DLG2: variants seen among roughly 807,000 people sequenced by gnomAD.
DLG2 encodes the protein disks large homolog 2.
Under a neutral mutation model 132.5 loss-of-function variants are expected in DLG2, and 45 were observed. The observed-to-expected ratio is 0.34, with a 90% confidence interval of 0.27 to 0.44. DLG2 has a LOEUF of 0.44. DLG2 is among the 20% of genes least tolerant of loss of function. The probability of loss-of-function intolerance (pLI) is 1.00; values close to 1 mark genes in which losing one functional copy is unlikely to be tolerated. For synonymous variants in DLG2, 424 were observed against 419.6 expected (o/e 1.01, Z -0.13); for missense variants, 1,045 against 1,196.9 (o/e 0.87, Z 1.87).
chr11:83,746,509 T>C (rs1026453963), intron 18 of DLG2, among the ~76,000 whole-genome samples: 4 of 151,668 alleles, frequency 2.6e-5, no homozygotes, highest in Admixed American at 6.6e-5. Flanking sequence ...TTCTCACTTA[T>C]AGGTGGGAAT....
intron 6 of DLG2, 163 bp from the exon 7 acceptor site, chr11:84,534,894 C>T (rs2099351673): frequency 1.2e-6 from 1 of 823,328 alleles, no homozygotes; most frequent in Non-Finnish European, 2.1e-6. Flanking sequence ...TCACCATAGA[C>T]CAGGTCAAAT....
intron 3 of DLG2, among the ~76,000 whole-genome samples, chr11:85,587,568 A>G (rs1378230730): frequency 6.6e-6 from 1 of 152,058 alleles, no homozygotes; most frequent in East Asian, 1.9e-4. Context: ...TTTCCACCCC[A>G]TTACCTTAAG....
intron 7 of DLG2, among the ~76,000 whole-genome samples, chr11:84,280,451 T>C (rs527731315): frequency 6.6e-6 from 1 of 152,058 alleles, no homozygotes; most frequent in East Asian, 1.9e-4. Flanking sequence ...GTATTTTTTG[T>C]AGTGACAGTG....
chr11:85,473,561 A>C (rs2093051754), intron 3 of DLG2, among the ~76,000 whole-genome samples: 1 of 152,188 alleles, frequency 6.6e-6, no homozygotes, highest in Non-Finnish European at 1.5e-5. Flanking sequence ...AGTATATCTG[A>C]AAAAGTATTG....
chr11:84,772,133 T>G (rs58114265), intron 6 of DLG2, among the ~76,000 whole-genome samples: 41,651 of 150,820 alleles, frequency 0.28, 6,286 homozygotes, highest in Middle Eastern at 0.32. Flanking sequence ...AAACAGACTT[T>G]AAACCAACAA....
chr11:83,558,267 T>G (rs1228922507), intron 19 of DLG2, among the ~76,000 whole-genome samples: 7 of 152,218 alleles, frequency 4.6e-5, no homozygotes, highest in Non-Finnish European at 1.0e-4. Flanking sequence ...TTATTGGCTT[T>G]AAATAATTCC....
chr11:85,002,239 T>C (rs1293670814), intron 6 of DLG2, among the ~76,000 whole-genome samples: 1 of 152,116 alleles, frequency 6.6e-6, no homozygotes. Context: ...AAATATCACA[T>C]CATAAAAATA....
chr11:85,435,357 G>A (rs115022763), intron 3 of DLG2, among the ~76,000 whole-genome samples: 3 of 152,182 alleles, frequency 2.0e-5, no homozygotes, highest in Admixed American at 2.0e-4. Flanking sequence ...AATGGGAAGA[G>A]AGGGAAGTCA....
intron 6 of DLG2, among the ~76,000 whole-genome samples, chr11:84,773,711 G>T (rs930116081): frequency 6.6e-6 from 1 of 152,076 alleles, no homozygotes; most frequent in Non-Finnish European, 1.5e-5. Flanking sequence ...AATACAGGTG[G>T]AAAAAGATTT....
intron 17 of DLG2, among the ~76,000 whole-genome samples, chr11:83,831,532 CAGAGAGAG>C (rs140071758): frequency 1.4e-5 from 2 of 146,704 alleles, no homozygotes; most frequent in Admixed American, 6.8e-5. Flanking sequence ...GTGTGTATGT[CAGAGAGAG>C]AGAGAGAGAG....
At chr11:85,288,324 A>T (rs920784727) in intron 3 of DLG2, among the ~76,000 whole-genome samples, 3 of 152,106 alleles carry the variant, frequency 2.0e-5, no homozygotes, top group African/African-American at 7.2e-5. Flanking sequence ...ATGTTTGAAA[A>T]ATGTGTAAGA....
intron 2 of DLG2, among the ~76,000 whole-genome samples, chr11:85,611,535 G>C (rs2080998564): frequency 6.6e-6 from 1 of 152,232 alleles, no homozygotes; most frequent in African/African-American, 2.4e-5. Flanking sequence ...TGTGGAGAAT[G>C]GGATACTACG....
At chr11:84,927,582 A>G (rs2047547973) in intron 6 of DLG2, among the ~76,000 whole-genome samples, 1 of 152,032 alleles carries the variant, frequency 6.6e-6, no homozygotes. Flanking sequence ...ATCTGTCACA[A>G]CTACTCCATT....
chr11:85,220,708 A>G (rs1387986700), intron 4 of DLG2, among the ~76,000 whole-genome samples: 2 of 151,186 alleles, frequency 1.3e-5, no homozygotes, highest in Non-Finnish European at 2.9e-5. Flanking sequence ...AAATTCAAGT[A>G]ATTTTAGTGT....
chr11:84,125,651 T>G (rs559434937), intron 9 of DLG2, among the ~76,000 whole-genome samples: 5 of 152,122 alleles, frequency 3.3e-5, no homozygotes, highest in African/African-American at 1.2e-4. Flanking sequence ...AGAAACCCAG[T>G]GGTCAGGAAA....
intron 7 of DLG2, among the ~76,000 whole-genome samples, chr11:84,420,769 C>A (rs752381288): frequency 7.0e-6 from 1 of 143,102 alleles, no homozygotes; most frequent in Admixed American, 7.3e-5. Context: ...CCCGGGTTCA[C>A]GCCATTCTCC....
At chr11:85,322,852 G>C (rs1237150488) in intron 3 of DLG2, among the ~76,000 whole-genome samples, 1 of 152,064 alleles carries the variant, frequency 6.6e-6, no homozygotes, top group Non-Finnish European at 1.5e-5. Flanking sequence ...TCCTGCTGCT[G>C]CTAGCTAAAT....
chr11:84,271,055 A>G (rs1268967428), intron 7 of DLG2, among the ~76,000 whole-genome samples: 2 of 152,218 alleles, frequency 1.3e-5, no homozygotes, highest in South Asian at 4.1e-4. Context: ...TAAAGCAGGG[A>G]ATACATAGAG....
intron 7 of DLG2, among the ~76,000 whole-genome samples, chr11:84,506,620 A>G (rs1224365017): frequency 6.6e-6 from 1 of 152,188 alleles, no homozygotes; most frequent in East Asian, 1.9e-4. Context: ...ATTTTAGTCC[A>G]GTAAGGGCCA....
Sources: gnomAD v4.1 joint callset for allele counts (sites outside exome capture counted in the v4.1 genomes callset) on GRCh38, gnomAD v4.1.1 for gene constraint, MANE v1.5 for transcripts, NCBI Gene and HGNC (gene_info 2026-07-23, HGNC 2026-07-21) for gene names.